PDE4B: variants seen among roughly 807,000 people sequenced by gnomAD.
PDE4B encodes 3',5'-cyclic-AMP phosphodiesterase 4B.
In PDE4B, 20 loss-of-function variants were observed where a neutral mutation model predicts 82.2. The observed-to-expected ratio is 0.24, with a 90% CI of 0.17 to 0.35. The LOEUF (loss-of-function observed/expected upper bound fraction) is 0.35, where lower values mean the gene tolerates loss of function less well. Ranked by LOEUF, PDE4B falls within the 10% of genes least tolerant of loss-of-function variation. PDE4B has a pLI of 1.00. For synonymous variants in PDE4B, 320 were observed against 318.9 expected (o/e 1.00, Z -0.04); for missense variants, 655 against 907.2 (o/e 0.72, Z 3.57).
rs375277101 is a variant in PDE4B, at chr1:66,007,455, C to CT, written c.281+88620_281+88621insT. On this transcript the variant is annotated intron_variant, in intron 3 of 16. Coordinates refer to ENST00000341517, the MANE Select transcript of PDE4B (RefSeq NM_002600.4). ...CAAGAAAAACGAACAAAACAACCCC[C>CT]CCCAACCAAAACCAAACAAATGAAA... Among the ~76,000 whole-genome samples the CT allele has an allele frequency of 6.3e-3, 955 of 152,070 alleles. 5 individuals are homozygous for CT. The highest frequency in any genetic ancestry group is 0.022 in the African/African-American group (906 of 41,500).
At chr1:65,942,548 G>C (rs1648501709) in intron 3 of PDE4B, among the ~76,000 whole-genome samples, 1 of 151,910 alleles carries the variant, frequency 6.6e-6, no homozygotes, top group African/African-American at 2.4e-5. Context: ...ATACCCAGTA[G>C]TGAGATTTCT....
intron 1 of PDE4B, among the ~76,000 whole-genome samples, chr1:65,904,460 T>C (rs1210359805): frequency 2.6e-5 from 4 of 152,196 alleles, no homozygotes; most frequent in African/African-American, 4.8e-5. Flanking sequence ...CAATTTAATG[T>C]AAATTCCTAT....
At chr1:66,204,853 T>C (rs1649412543) in intron 3 of PDE4B, among the ~76,000 whole-genome samples, 1 of 152,198 alleles carries the variant, frequency 6.6e-6, no homozygotes. Context: ...GCACCCACTC[T>C]TCTGCACCCA....
chr1:65,906,677 A>C (rs1328516458), intron 1 of PDE4B, among the ~76,000 whole-genome samples: 1 of 152,178 alleles, frequency 6.6e-6, no homozygotes, highest in African/African-American at 2.4e-5. Context: ...ATTGTTGAAC[A>C]TTAGCATTCA....
chr1:66,271,017 T>C (rs1655435273), intron 7 of PDE4B, among the ~76,000 whole-genome samples: 1 of 152,260 alleles, frequency 6.6e-6, no homozygotes, highest in African/African-American at 2.4e-5. Flanking sequence ...TAATAATTGC[T>C]TTTGTCTAAA....
chr1:65,963,959 A>G (rs1649675515), intron 3 of PDE4B, among the ~76,000 whole-genome samples: 1 of 152,208 alleles, frequency 6.6e-6, no homozygotes, highest in African/African-American at 2.4e-5. Context: ...ATACATTTGC[A>G]GAAACTGGTA....
At position 65,798,407 on chromosome 1, in the gene PDE4B, C is replaced by T. The variant is rs1490624487; in HGVS notation, c.-71+5159C>T. On this transcript the variant is annotated intron_variant, in intron 1 of 16. Coordinates refer to ENST00000341517, the MANE Select transcript of PDE4B (RefSeq NM_002600.4). ...CCGAGTAGCTGGGACTACAGGCGCC[C>T]GCCACCGCGCCCGGCTAATTTTTTG... is the stretch of plus-strand genomic sequence containing the variant. 2.3e-5 allele frequency among the ~76,000 whole-genome samples: 2 copies of T among 88,514 alleles called. 1 individual carries two copies. Among genetic ancestry groups the T allele is most frequent in the Non-Finnish European group, 3.9e-5 (2 of 51,860 alleles). The allele number at this position is 88,514 out of a possible 152,430, so 58.1% of individuals were successfully genotyped here. A position where few individuals can be genotyped will look rare whatever the true frequency, so the allele number is the denominator to read the frequency against.
chr1:65,939,989 G>GTTTGT (rs1398571538), intron 3 of PDE4B, among the ~76,000 whole-genome samples: 1 of 152,062 alleles, frequency 6.6e-6, no homozygotes, highest in Non-Finnish European at 1.5e-5. Flanking sequence ...GCTGATTACA[G>GTTTGT]TAGTAATTAC....
intron 8 of PDE4B, among the ~76,000 whole-genome samples, chr1:66,337,434 A>G (rs1193653073): frequency 1.3e-5 from 2 of 152,164 alleles, no homozygotes; most frequent in Non-Finnish European, 2.9e-5. Context: ...TGCTGCAGGC[A>G]TACACACCCT....
chr1:66,297,044 C>T (rs1401159418), intron 7 of PDE4B, among the ~76,000 whole-genome samples: 1 of 152,134 alleles, frequency 6.6e-6, no homozygotes, highest in Non-Finnish European at 1.5e-5. Flanking sequence ...GTTTTTGAGT[C>T]ATCGCCCATC....
At chr1:66,265,962 A>C in intron 6 of PDE4B, 76 bp from the exon 7 acceptor site, 1 of 1,041,132 alleles carries the variant, frequency 9.6e-7, no homozygotes, top group Non-Finnish European at 1.5e-6. Flanking sequence ...CTCAGTAACC[A>C]TGAGGGTGGG....
intron 13 of PDE4B, among the ~76,000 whole-genome samples, chr1:66,366,421 A>G (rs1410661085): frequency 3.3e-5 from 5 of 152,282 alleles, no homozygotes; most frequent in Non-Finnish European, 7.4e-5. Flanking sequence ...TTGAAAATCC[A>G]TTCATTTTCT....
At chr1:65,827,377 A>G (rs1646031254) in intron 1 of PDE4B, among the ~76,000 whole-genome samples, 1 of 152,216 alleles carries the variant, frequency 6.6e-6, no homozygotes, top group South Asian at 2.1e-4. Flanking sequence ...TAGCATGTTA[A>G]AAACTCTATT....
At chr1:66,332,401 C>A (rs563631617) in intron 7 of PDE4B, 107 bp from the exon 8 acceptor site, 1 of 1,613,874 alleles carries the variant, frequency 6.2e-7, no homozygotes, top group Non-Finnish European at 8.5e-7. Context: ...TGAAGGAGCA[C>A]GGGGGCACCT....
intron 3 of PDE4B, among the ~76,000 whole-genome samples, chr1:66,029,201 G>A (rs1653622732): frequency 6.6e-6 from 1 of 152,210 alleles, no homozygotes; most frequent in Non-Finnish European, 1.5e-5. Flanking sequence ...AAATAAGGAA[G>A]AAGCAAAAGC....
At chr1:66,003,759 CT>C (rs1651998192) in intron 3 of PDE4B, among the ~76,000 whole-genome samples, 1 of 152,120 alleles carries the variant, frequency 6.6e-6, no homozygotes. Context: ...TCAGAGAAGA[CT>C]GGACAAATAA....
At chr1:66,238,733 G>C (rs1652655921) in intron 3 of PDE4B, among the ~76,000 whole-genome samples, 1 of 149,748 alleles carries the variant, frequency 6.7e-6, no homozygotes, top group Admixed American at 6.7e-5. Flanking sequence ...GAATGAGTGA[G>C]TAGGTGGTTG....
intron 7 of PDE4B, among the ~76,000 whole-genome samples, chr1:66,312,045 T>C (rs998571124): frequency 6.6e-6 from 1 of 152,240 alleles, no homozygotes; most frequent in African/African-American, 2.4e-5. Context: ...TTATTCTTCA[T>C]CAGGGATCTA....
intron 7 of PDE4B, among the ~76,000 whole-genome samples, chr1:66,281,834 T>A (rs977651625): frequency 6.6e-6 from 1 of 152,230 alleles, no homozygotes; most frequent in African/African-American, 2.4e-5. Context: ...CCATTTTTTT[T>A]AACCAATAAA....
Sources: allele counts gnomAD v4.1 joint callset (sites outside exome capture counted in the v4.1 genomes callset), GRCh38; gene constraint gnomAD v4.1.1; transcripts MANE v1.5; gene names NCBI Gene and HGNC (gene_info 2026-07-23, HGNC 2026-07-21).